Variants in SLC9A9 observed in about 807,000 individuals in gnomAD.
SLC9A9 encodes solute carrier family 9 member A9.
In SLC9A9, 62 loss-of-function variants were observed where a neutral mutation model predicts 77.8. That is an observed-to-expected ratio of 0.80 (90% CI 0.65 to 0.98). SLC9A9 has a LOEUF of 0.98. Among genes scored for constraint, SLC9A9 ranks in the 50% least tolerant of loss-of-function variants. The pLI is 0.00. For synonymous variants in SLC9A9, 320 were observed against 283.5 expected (o/e 1.13, Z -1.29); for missense variants, 775 against 774.9 (o/e 1.00, Z 0.00).
At chr3:143,831,250 T>C (rs2009427824) in intron 2 of SLC9A9, among the ~76,000 whole-genome samples, 1 of 152,166 alleles carries the variant, frequency 6.6e-6, no homozygotes, top group Non-Finnish European at 1.5e-5. Context: ...AGATCCTGGT[T>C]CTTAGTACAC....
intron 8 of SLC9A9, among the ~76,000 whole-genome samples, chr3:143,570,753 A>G (rs1344474156): frequency 6.6e-6 from 1 of 152,088 alleles, no homozygotes; most frequent in African/African-American, 2.4e-5. Context: ...TGCATGCACG[A>G]GTATATTTAG....
Position 143,265,976 on chromosome 3 carries a change from G to A in SLC9A9, c.*726C>T. On this transcript the variant is annotated 3_prime_UTR_variant, in exon 16 of 16. Coordinates refer to ENST00000316549, the MANE Select transcript of SLC9A9 (RefSeq NM_173653.4). ...TGTTCTTCAGGCACAACGTGGTATG[G>A]GGAGAAGAAACCTGGTTTTCTTGGA... 1.5e-6 allele frequency: 1 copy of A among 688,914 alleles called. No individual in the cohort carries two copies. Among genetic ancestry groups the A allele is most frequent in the Non-Finnish European group, 2.6e-6 (1 of 378,344 alleles). 42.7% of individuals were successfully genotyped at this position (688,914 alleles called of 1,614,324 possible). A position where few individuals can be genotyped will look rare whatever the true frequency, so the allele number is the denominator to read the frequency against.
intron 14 of SLC9A9, among the ~76,000 whole-genome samples, chr3:143,355,947 T>C (rs973462625): frequency 6.6e-6 from 1 of 152,230 alleles, no homozygotes; most frequent in Non-Finnish European, 1.5e-5. Flanking sequence ...TAAAGTGAAG[T>C]TGAAATATGA....
chr3:143,798,154 A>G (rs2008442424), intron 2 of SLC9A9, among the ~76,000 whole-genome samples: 1 of 151,926 alleles, frequency 6.6e-6, no homozygotes, highest in South Asian at 2.1e-4. Flanking sequence ...TCTCCTTTCA[A>G]TCTTGGCGCC....
chr3:143,549,713 C>A (rs761375679), intron 9 of SLC9A9, among the ~76,000 whole-genome samples: 4 of 152,152 alleles, frequency 2.6e-5, no homozygotes, highest in Non-Finnish European at 4.4e-5. Context: ...CCCCTAGATG[C>A]TGGGCTGCTG....
Position 143,493,644 on chromosome 3 carries a change from T to C in SLC9A9, c.1315+9A>G, listed in dbSNP as rs1332230757. ...CCAGCAGCACTAACATATAACATAG[T>C]TCACATACCTGAAAACATCATCATG... is the stretch of plus-strand genomic sequence containing the variant. On this transcript the variant is annotated intron_variant, in intron 11 of 15. Coordinates refer to ENST00000316549, the MANE Select transcript of SLC9A9 (RefSeq NM_173653.4). 6.2e-6 allele frequency: 10 copies of C among 1,607,382 alleles called. No individual in the cohort carries two copies. The highest frequency in any genetic ancestry group is 1.6e-4 in the Middle Eastern group (1 of 6,076).
intron 2 of SLC9A9, among the ~76,000 whole-genome samples, chr3:143,815,298 C>G (rs1241872709): frequency 1.3e-5 from 2 of 152,094 alleles, no homozygotes; most frequent in Non-Finnish European, 2.9e-5. Context: ...TACCAAAGAG[C>G]CCTTGTACAT....
intron 2 of SLC9A9, among the ~76,000 whole-genome samples, chr3:143,799,901 C>A (rs2008502347): frequency 6.6e-6 from 1 of 152,176 alleles, no homozygotes; most frequent in Non-Finnish European, 1.5e-5. Context: ...TTTTCAAGGG[C>A]CTGTTTCCTT....
chr3:143,575,597 C>T (rs952181811), intron 7 of SLC9A9, among the ~76,000 whole-genome samples: 1 of 152,096 alleles, frequency 6.6e-6, no homozygotes, highest in Non-Finnish European at 1.5e-5. Context: ...GAATGGGCTG[C>T]CCTGAGATCC....
chr3:143,381,741 G>C (rs1163678431), intron 13 of SLC9A9, among the ~76,000 whole-genome samples: 1 of 152,190 alleles, frequency 6.6e-6, no homozygotes, highest in Non-Finnish European at 1.5e-5. Flanking sequence ...CACTGAGTTG[G>C]CTAGCTAGCA....
chr3:143,521,903 C>T (rs1008630759), intron 9 of SLC9A9, among the ~76,000 whole-genome samples: 2 of 152,064 alleles, frequency 1.3e-5, no homozygotes, highest in South Asian at 4.1e-4. Context: ...TGCCACTCTG[C>T]TGTCTCTCAA....
chr3:143,670,501 A>C (rs2039140302), intron 5 of SLC9A9, among the ~76,000 whole-genome samples: 1 of 152,140 alleles, frequency 6.6e-6, no homozygotes, highest in Non-Finnish European at 1.5e-5. Context: ...AAGACAGGAC[A>C]CTCCAAAGAG....
At chr3:143,644,034 T>A (rs894641205) in intron 6 of SLC9A9, among the ~76,000 whole-genome samples, 6 of 149,218 alleles carry the variant, frequency 4.0e-5, no homozygotes, top group Non-Finnish European at 5.9e-5. Context: ...CTTTCTAGAG[T>A]AAGCTATCTA....
In SLC9A9 at chr3:143,683,239, C is replaced by A. The variant is rs565533854; in HGVS notation, c.649+9953G>T. Among the ~76,000 whole-genome samples the A allele has an allele frequency of 3.3e-5, 5 of 152,164 alleles. 1 individual carries two copies. The highest frequency in any genetic ancestry group is 1.2e-4 in the African/African-American group (5 of 41,526). On this transcript the variant is annotated intron_variant, in intron 5 of 15. Transcript: ENST00000316549. ...GACTTCTAATATGATGCAACGTGAT[C>A]GATCAAGCATCGCCTATTGAACATT...
chr3:143,314,983 T>A (rs1463274417), intron 14 of SLC9A9, among the ~76,000 whole-genome samples: 1 of 152,204 alleles, frequency 6.6e-6, no homozygotes, highest in Non-Finnish European at 1.5e-5. Flanking sequence ...CCTGGGAAGT[T>A]AAAACATAAA....
At chr3:143,814,070 A>C (rs2008939986) in intron 2 of SLC9A9, among the ~76,000 whole-genome samples, 1 of 152,212 alleles carries the variant, frequency 6.6e-6, no homozygotes, top group African/African-American at 2.4e-5. Context: ...TATGGCAGGG[A>C]GGACTAGCAG....
intron 11 of SLC9A9, among the ~76,000 whole-genome samples, chr3:143,491,295 G>A (rs1040883540): frequency 6.6e-6 from 1 of 152,092 alleles, no homozygotes; most frequent in South Asian, 2.1e-4. Context: ...ATATGATAGG[G>A]TTATTGTTTT....
chr3:143,283,925 A>G (rs1938298221), intron 14 of SLC9A9, among the ~76,000 whole-genome samples: 1 of 152,234 alleles, frequency 6.6e-6, no homozygotes, highest in Non-Finnish European at 1.5e-5. Context: ...TTGGTTAAAT[A>G]AAACCACTAG....
chr3:143,833,865 G>A (rs979436839), intron 1 of SLC9A9, among the ~76,000 whole-genome samples: 66 of 152,288 alleles, frequency 4.3e-4, no homozygotes, highest in African/African-American at 1.6e-3. Flanking sequence ...CACTAGTGGT[G>A]TAAAAAGAGA....
Sources: allele counts gnomAD v4.1 joint callset (sites outside exome capture counted in the v4.1 genomes callset), GRCh38; gene constraint gnomAD v4.1.1; transcripts MANE v1.5; gene names NCBI Gene and HGNC (gene_info 2026-07-23, HGNC 2026-07-21).